Variants in NRXN1 observed in about 807,000 individuals in gnomAD.
NRXN1 encodes neurexin 1, also known as neurexin-1.
In NRXN1, 39 loss-of-function variants were observed where a neutral mutation model predicts 150.9. That is an observed-to-expected ratio of 0.26 (90% CI 0.20 to 0.34). NRXN1 has a LOEUF of 0.34. Among genes scored for constraint, NRXN1 ranks in the 10% least tolerant of loss-of-function variants. The pLI, the probability that NRXN1 is intolerant of heterozygous loss-of-function variation, is 1.00. For missense variants in NRXN1, 1,815 were observed against 1,949.9 expected (o/e 0.93, Z 1.30); for synonymous variants, 924 against 757.0 (o/e 1.22, Z -3.62).
intron 5 of NRXN1, among the ~76,000 whole-genome samples, chr2:50,684,329 C>T (rs2104824689): frequency 6.6e-6 from 1 of 151,976 alleles, no homozygotes; most frequent in East Asian, 1.9e-4. Flanking sequence ...AAGTTGAAAC[C>T]CCGTCACTAC....
chr2:50,728,411 G>T (rs1408343583), intron 5 of NRXN1, among the ~76,000 whole-genome samples: 1 of 152,246 alleles, frequency 6.6e-6, no homozygotes, highest in African/African-American at 2.4e-5. Context: ...TGCACACAAA[G>T]TATTCAATTG....
At chr2:50,206,758 G>A (rs1294709596) in intron 18 of NRXN1, among the ~76,000 whole-genome samples, 3 of 151,390 alleles carry the variant, frequency 2.0e-5, no homozygotes, top group African/African-American at 4.8e-5. Context: ...TGTTAACAAA[G>A]CAAAGTTATA....
intron 18 of NRXN1, among the ~76,000 whole-genome samples, chr2:50,212,047 C>CCACTATATA (rs2063056765): frequency 2.7e-5 from 4 of 147,332 alleles, no homozygotes; most frequent in African/African-American, 9.7e-5. Flanking sequence ...CAAACTAAAT[C>CCACTATATA]CACTATATAT....
intron 12 of NRXN1, among the ~76,000 whole-genome samples, chr2:50,509,597 AG>A (rs1432501115): frequency 2.0e-5 from 3 of 152,230 alleles, no homozygotes; most frequent in African/African-American, 7.2e-5. Context: ...ACTTTCTCAC[AG>A]AATTTAACAT....
rs563866381 is a variant in NRXN1, at chr2:49,999,886, C to T, written c.4128+53385G>A. Among the ~76,000 whole-genome samples the T allele has an allele frequency of 3.2e-4, 48 of 152,216 alleles. 1 individual carries two copies. The highest frequency in any genetic ancestry group is 1.1e-3 in the African/African-American group (47 of 41,538). ...CATAAAGTATATTTCCTACCTTCAC[C>T]CCAAGAAGGGCTTAAACGTTTTAAT... On this transcript the variant is annotated intron_variant, in intron 21 of 22. Transcript: ENST00000401669.
At position 50,891,489 on chromosome 2, in the gene NRXN1, G is replaced by C. The variant is rs141606183; in HGVS notation, c.832+30380C>G. 9.1e-3 allele frequency among the ~76,000 whole-genome samples: 1,383 copies of C among 152,068 alleles called. 23 individuals are homozygous for C. Among genetic ancestry groups the C allele is most frequent in the African/African-American group, 0.032 (1,316 of 41,520 alleles). On this transcript the variant is annotated intron_variant, in intron 5 of 22. Coordinates refer to ENST00000401669, the MANE Select transcript of NRXN1 (RefSeq NM_001330078.2). The stretch of plus-strand genomic sequence containing the variant: ...TATTTTATTATACAATCTGATATAA[G>C]ACCATGTGAAAGTCTCATTGACCTT...
At chr2:50,069,435 T>A (rs1006216462) in intron 19 of NRXN1, among the ~76,000 whole-genome samples, 7 of 152,186 alleles carry the variant, frequency 4.6e-5, no homozygotes, top group Non-Finnish European at 8.8e-5. Context: ...AACATGGTGA[T>A]TGTGGATTTT....
chr2:50,666,794 C>G (rs1434489155), intron 5 of NRXN1, among the ~76,000 whole-genome samples: 2 of 151,308 alleles, frequency 1.3e-5, no homozygotes, highest in Non-Finnish European at 2.9e-5. Flanking sequence ...CTGGGTCAAA[C>G]CAGGTAGACA....
At chr2:50,304,720 C>T (rs960151712) in intron 17 of NRXN1, among the ~76,000 whole-genome samples, 1 of 152,080 alleles carries the variant, frequency 6.6e-6, no homozygotes. Flanking sequence ...GGAATGGATT[C>T]TAAGACTTAT....
At chr2:50,541,149 T>G (rs2093380527) in intron 9 of NRXN1, among the ~76,000 whole-genome samples, 1 of 152,090 alleles carries the variant, frequency 6.6e-6, no homozygotes, top group Admixed American at 6.5e-5. Context: ...TTATTCCAAG[T>G]GTGGTGATAT....
At chr2:50,924,389 T>C (rs1209354222) in intron 3 of NRXN1, among the ~76,000 whole-genome samples, 2 of 151,664 alleles carry the variant, frequency 1.3e-5, no homozygotes, top group African/African-American at 2.4e-5. Flanking sequence ...AATCTTACCA[T>C]GGGATGAGTG....
intron 18 of NRXN1, among the ~76,000 whole-genome samples, chr2:50,133,528 G>C (rs1295066577): frequency 2.6e-5 from 4 of 151,970 alleles, no homozygotes. Flanking sequence ...AGGTCCACAG[G>C]GATTTTTTTA....
At chr2:50,464,317 G>T (rs1270653398) in intron 17 of NRXN1, 1 of 151,758 alleles carries the variant, frequency 6.6e-6, no homozygotes, top group African/African-American at 2.4e-5. Context: ...CTCTGTATTG[G>T]TTGTGCGTTT....
chr2:50,656,291 C>G, intron 5 of NRXN1: 1 of 720,838 alleles, frequency 1.4e-6, no homozygotes, highest in Non-Finnish European at 2.6e-6. Context: ...ATTAAATAGG[C>G]TTTTAAAGTT....
chr2:50,795,167 G>T (rs770206168), intron 5 of NRXN1, among the ~76,000 whole-genome samples: 3 of 152,070 alleles, frequency 2.0e-5, no homozygotes, highest in Non-Finnish European at 4.4e-5. Context: ...TTTACACTGA[G>T]CATCAGGAGT....
chr2:50,471,445 C>T (rs2216171), intron 16 of NRXN1, among the ~76,000 whole-genome samples: 129,782 of 151,820 alleles, frequency 0.85, 55,797 homozygotes, highest in Non-Finnish European at 0.91. Flanking sequence ...TTTGTTCTTT[C>T]TATGGCTAAG....
At chr2:50,575,074 G>A (rs1487745673) in intron 8 of NRXN1, among the ~76,000 whole-genome samples, 1 of 152,204 alleles carries the variant, frequency 6.6e-6, no homozygotes, top group Non-Finnish European at 1.5e-5. Flanking sequence ...GGTTGCCAAT[G>A]AGGTGTTTTA....
At chr2:50,939,003 A>C (rs1037598769) in intron 2 of NRXN1, among the ~76,000 whole-genome samples, 1 of 152,112 alleles carries the variant, frequency 6.6e-6, no homozygotes, top group Non-Finnish European at 1.5e-5. Flanking sequence ...CGAGGTCAGG[A>C]GATCGAGACC....
At chr2:50,744,959 C>T (rs1264894933) in intron 5 of NRXN1, among the ~76,000 whole-genome samples, 1 of 152,020 alleles carries the variant, frequency 6.6e-6, no homozygotes, top group African/African-American at 2.4e-5. Flanking sequence ...TTTCTGTATT[C>T]CTCCTTTGTG....
Sources: gnomAD v4.1 joint callset for allele counts (sites outside exome capture counted in the v4.1 genomes callset) on GRCh38, gnomAD v4.1.1 for gene constraint, MANE v1.5 for transcripts, NCBI Gene and HGNC (gene_info 2026-07-23, HGNC 2026-07-21) for gene names.